The following PEX14 variants were observed in gnomAD, a reference collection of about 807,000 sequenced individuals.
PEX14 encodes peroxisomal biogenesis factor 14, also known as peroxisomal membrane protein PEX14.
Under a neutral mutation model 49.5 loss-of-function variants are expected in PEX14, and 15 were observed. The ratio of observed to expected loss-of-function variants is 0.30; its 90% CI spans 0.20 to 0.47. The LOEUF is 0.47. Among genes scored for constraint, PEX14 ranks in the 20% least tolerant of loss-of-function variants. The probability of loss-of-function intolerance (pLI) is 1.00; values close to 1 mark genes in which losing one functional copy is unlikely to be tolerated. For missense variants in PEX14, 398 were observed against 494.8 expected, an observed-to-expected ratio of 0.80 and a Z score of 1.86; for synonymous variants, 210 against 212.7, an observed-to-expected ratio of 0.99 and a Z score of 0.11.
intron 2 of PEX14, among the ~76,000 whole-genome samples, chr1:10,508,581 C>A (rs78820912): frequency 2.2e-4 from 34 of 152,264 alleles, no homozygotes; most frequent in African/African-American, 5.3e-4. Flanking sequence ...CCCTCCCCCC[C>A]AGAAGTGCAC....
chr1:10,538,082 G>A (rs911936048), intron 3 of PEX14, among the ~76,000 whole-genome samples: 1 of 152,160 alleles, frequency 6.6e-6, no homozygotes, highest in African/African-American at 2.4e-5. Flanking sequence ...CCCTGCCCTC[G>A]CAGAGCTTAA....
At chr1:10,544,754 CT>C (rs70997247) in intron 3 of PEX14, among the ~76,000 whole-genome samples, 102,180 of 148,258 alleles carry the variant, frequency 0.69, 37,300 homozygotes, top group Non-Finnish European at 0.82. Context: ...ATAGATTAGC[CT>C]TTTTTTTTTT....
At chr1:10,625,715 T>A (rs1042974148) in intron 7 of PEX14, among the ~76,000 whole-genome samples, 6 of 152,242 alleles carry the variant, frequency 3.9e-5, no homozygotes, top group Admixed American at 2.6e-4. Flanking sequence ...GGTCATCTTT[T>A]GGATCCATGC....
At chr1:10,583,039 G>A (rs1004297462) in intron 3 of PEX14, among the ~76,000 whole-genome samples, 1 of 151,680 alleles carries the variant, frequency 6.6e-6, no homozygotes, top group Non-Finnish European at 1.5e-5. Flanking sequence ...ACCTGGCCTG[G>A]TAACGGTTTT....
chr1:10,583,953 A>T (rs1030144123), intron 3 of PEX14, among the ~76,000 whole-genome samples: 1 of 152,200 alleles, frequency 6.6e-6, no homozygotes, highest in African/African-American at 2.4e-5. Context: ...GTGTAGGGCA[A>T]CAGTATCTTG....
At chr1:10,519,834 G>A (rs979843865) in intron 2 of PEX14, among the ~76,000 whole-genome samples, 3 of 152,192 alleles carry the variant, frequency 2.0e-5, no homozygotes, top group African/African-American at 7.2e-5. Flanking sequence ...CTGGAGTGCA[G>A]TGTGCAAACA....
intron 3 of PEX14, among the ~76,000 whole-genome samples, chr1:10,573,919 G>A (rs1423575613): frequency 6.6e-6 from 1 of 152,206 alleles, no homozygotes; most frequent in Non-Finnish European, 1.5e-5. Flanking sequence ...TGGTTAACAT[G>A]GTGAAACCCC....
At chr1:10,492,208 T>C (rs537447298) in intron 1 of PEX14, among the ~76,000 whole-genome samples, 1 of 152,342 alleles carries the variant, frequency 6.6e-6, no homozygotes, top group South Asian at 2.1e-4. Context: ...TTTTTCCCTC[T>C]GGTAAATACT....
chr1:10,601,247 A>G (rs1640976460), intron 4 of PEX14, among the ~76,000 whole-genome samples: 1 of 145,028 alleles, frequency 6.9e-6, no homozygotes, highest in African/African-American at 2.6e-5. Context: ...GGGTGACAAG[A>G]GCAAGACTCT....
chr1:10,603,175 C>A (rs913659095), intron 4 of PEX14, among the ~76,000 whole-genome samples: 1 of 152,168 alleles, frequency 6.6e-6, no homozygotes, highest in Non-Finnish European at 1.5e-5. Flanking sequence ...AACGTAGAGA[C>A]CTGCCCAAAT....
At chr1:10,570,516 A>G (rs1639940413) in intron 3 of PEX14, among the ~76,000 whole-genome samples, 1 of 152,024 alleles carries the variant, frequency 6.6e-6, no homozygotes, top group African/African-American at 2.4e-5. Flanking sequence ...TATTTTTAGT[A>G]GAGATGGGGT....
intron 2 of PEX14, among the ~76,000 whole-genome samples, chr1:10,534,616 C>T (rs1638745179): frequency 6.6e-6 from 1 of 152,068 alleles, no homozygotes; most frequent in African/African-American, 2.4e-5. Context: ...GAATCTCGAG[C>T]ATTCATTTTT....
chr1:10,537,638 C>T (rs1447166888), intron 3 of PEX14, among the ~76,000 whole-genome samples: 2 of 152,152 alleles, frequency 1.3e-5, no homozygotes, highest in Non-Finnish European at 2.9e-5. Flanking sequence ...CTGATCTTCT[C>T]TTCCACCGAC....
chr1:10,493,607 T>C (rs1470440965), intron 1 of PEX14, among the ~76,000 whole-genome samples: 3 of 152,038 alleles, frequency 2.0e-5, no homozygotes, highest in Non-Finnish European at 4.4e-5. Context: ...TTTATATTTT[T>C]TGTAGAGACG....
At chr1:10,591,306 G>A (rs931926200) in intron 3 of PEX14, among the ~76,000 whole-genome samples, 3 of 151,690 alleles carry the variant, frequency 2.0e-5, no homozygotes, top group African/African-American at 7.3e-5. Flanking sequence ...AGTGGGTTAA[G>A]CAAGAAGTTA....
chr1:10,511,411 C>T (rs1641880703), intron 2 of PEX14, among the ~76,000 whole-genome samples: 1 of 152,180 alleles, frequency 6.6e-6, no homozygotes, highest in Non-Finnish European at 1.5e-5. Context: ...TTGCTAACAT[C>T]ATGGTGCGTT....
At chr1:10,594,821 A>G (rs983871891) in intron 3 of PEX14, among the ~76,000 whole-genome samples, 1 of 36,580 alleles carries the variant, frequency 2.7e-5, no homozygotes. Flanking sequence ...GGGCATCACA[A>G]TCGCAGCCTG....
chr1:10,529,464 G>A lies in PEX14; in HGVS notation c.85-6749G>A, dbSNP rs1638583044. Reference sequence around the variant, plus strand: ...CATTAAATAGTGCGTGGTGGTTTAAGATGCTTTTTATTTCAATATACATTT... The same window carrying A: ...CATTAAATAGTGCGTGGTGGTTTAAAATGCTTTTTATTTCAATATACATTT... On this transcript the variant is annotated intron_variant, in intron 2 of 8. Coordinates refer to ENST00000356607, the MANE Select transcript of PEX14 (RefSeq NM_004565.3). The surrounding 1 kb of genome is among the most constrained non-coding windows in gnomAD (Gnocchi z 4.2). 6.6e-6 allele frequency among the ~76,000 whole-genome samples: 1 copy of A among 152,222 alleles called. No individual in the cohort carries two copies. Among genetic ancestry groups the A allele is most frequent in the Admixed American group, 6.5e-5 (1 of 15,288 alleles).
At chr1:10,486,598 C>T (rs1641372343) in intron 1 of PEX14, among the ~76,000 whole-genome samples, 1 of 151,740 alleles carries the variant, frequency 6.6e-6, no homozygotes, top group Non-Finnish European at 1.5e-5. Flanking sequence ...AGGAGGATGA[C>T]TTGAGCCCTG....
Sources: gnomAD v4.1 joint callset for allele counts (sites outside exome capture counted in the v4.1 genomes callset) on GRCh38, gnomAD v4.1.1 for gene constraint, Gnocchi (gnomAD v3.1) non-coding constraint, MANE v1.5 for transcripts, NCBI Gene and HGNC (gene_info 2026-07-23, HGNC 2026-07-21) for gene names.